Variants in RYR2 observed in about 807,000 individuals in gnomAD.
The protein encoded by RYR2 is ryanodine receptor 2, also known as cardiac muscle ryanodine receptor-calcium release channel.
Under a neutral mutation model 601.1 loss-of-function variants are expected in RYR2, and 227 were observed. The ratio of observed to expected loss-of-function variants is 0.38; its 90% CI spans 0.34 to 0.42. The LOEUF is 0.42. Ranked by LOEUF, RYR2 falls within the 10% of genes least tolerant of loss-of-function variation. RYR2 has a pLI of 1.00. For missense variants in RYR2, 4,646 were observed against 6,156.5 expected (o/e 0.75, Z 8.21); for synonymous variants, 2,223 against 2,175.1 (o/e 1.02, Z -0.61).
At chr1:237,380,965 C>T (rs1375753167) in intron 8 of RYR2, among the ~76,000 whole-genome samples, 1 of 152,122 alleles carries the variant, frequency 6.6e-6, no homozygotes, top group African/African-American at 2.4e-5. Flanking sequence ...GTAATCCCAG[C>T]TACTTGGGAG....
At chr1:237,254,240 G>A (rs1687738497) in intron 1 of RYR2, among the ~76,000 whole-genome samples, 1 of 152,024 alleles carries the variant, frequency 6.6e-6, no homozygotes, top group East Asian at 1.9e-4. Flanking sequence ...TTTGCCCTGT[G>A]TTTGTGCAAT....
chr1:237,732,571 A>G (rs771377501), intron 78 of RYR2, among the ~76,000 whole-genome samples: 2 of 152,194 alleles, frequency 1.3e-5, no homozygotes, highest in African/African-American at 2.4e-5. Flanking sequence ...TCTAGAGGCT[A>G]AGTGAGCCAT....
intron 48 of RYR2, among the ~76,000 whole-genome samples, chr1:237,647,582 T>C (rs1200719685): frequency 6.6e-6 from 1 of 152,250 alleles, no homozygotes; most frequent in African/African-American, 2.4e-5. Flanking sequence ...AGAAAAGTTG[T>C]CATTTTATTC....
intron 24 of RYR2, among the ~76,000 whole-genome samples, chr1:237,515,907 CCT>C (rs1666475045): frequency 3.4e-5 from 5 of 148,092 alleles, no homozygotes; most frequent in African/African-American, 5.0e-5. Flanking sequence ...TCTCCTTCTC[CCT>C]CTTCTCCCTC....
intron 12 of RYR2, among the ~76,000 whole-genome samples, chr1:237,433,787 A>G (rs551968592): frequency 2.0e-5 from 3 of 152,338 alleles, no homozygotes; most frequent in Admixed American, 6.5e-5. Flanking sequence ...ATGACGTAAC[A>G]TATATCTTAG....
chr1:237,044,779 A>G (rs1254917780), intron 1 of RYR2, among the ~76,000 whole-genome samples: 2 of 135,442 alleles, frequency 1.5e-5, no homozygotes, highest in African/African-American at 2.7e-5. Context: ...TCCCTCCCCC[A>G]CCCCCCTTTT....
rs147925584 is a variant in RYR2 at position 237,179,778 on chromosome 1, A to G, written c.49-90719A>G. The stretch of plus-strand genomic sequence containing the variant: ...CTGAGGGTAGCCTTTTAGAGAGGAG[A>G]TAACTTTCAGCAGATGATGCATCTG... On this transcript the variant is annotated intron_variant, in intron 1 of 104. Coordinates refer to ENST00000366574, the MANE Select transcript of RYR2 (RefSeq NM_001035.3). Among the ~76,000 whole-genome samples, 146 of 152,204 alleles carry G rather than the reference A, an allele frequency of 9.6e-4. 3 individuals are homozygous for G. Among genetic ancestry groups the G allele is most frequent in the African/African-American group, 3.4e-3 (139 of 41,476 alleles).
chr1:237,167,622 A>C (rs1289668515), intron 1 of RYR2, among the ~76,000 whole-genome samples: 1 of 151,802 alleles, frequency 6.6e-6, no homozygotes, highest in East Asian at 1.9e-4. Flanking sequence ...ATTTTTTTGG[A>C]AGTTGATATT....
chr1:237,192,473 C>T (rs1369065841), intron 1 of RYR2, among the ~76,000 whole-genome samples: 1 of 152,224 alleles, frequency 6.6e-6, no homozygotes, highest in African/African-American at 2.4e-5. Context: ...CCTCGGCCTC[C>T]CGAAGTGCCG....
chr1:237,182,481 A>G (rs1441367410), intron 1 of RYR2, among the ~76,000 whole-genome samples: 2 of 152,080 alleles, frequency 1.3e-5, no homozygotes. Context: ...AATTGTCACC[A>G]TCTTACTCTT....
chr1:237,492,961 A>G lies in RYR2; in HGVS notation c.1835A>G (p.Asp612Gly). 6.3e-7 allele frequency: 1 copy of G among 1,587,850 alleles called. No homozygotes were observed. The highest frequency in any genetic ancestry group is 8.6e-7 in the Non-Finnish European group (1 of 1,164,664). ...DKHGRNHKVL[D>G]VLCSLCVCHG... ...AGTAATTTCTCTTTTCAGGTTCTGGATGTCTTGTGCTCACTCTGTGTTTGC... is the reference window on the plus strand; with the variant it reads ...AGTAATTTCTCTTTTCAGGTTCTGGGTGTCTTGTGCTCACTCTGTGTTTGC... Residue 612 changes from aspartate (D) to glycine (G), a missense_variant, in exon 19 of 105, where the codon GAT becomes GGT. Transcript: ENST00000366574.
At position 237,535,484 on chromosome 1, in the gene RYR2, T is replaced by TACACATACACACACAC. The variant is rs1553488498; in HGVS notation, c.2906+4979_2906+4980insTACACACACACACACA. On this transcript the variant is annotated intron_variant, in intron 25 of 104. Transcript: ENST00000366574. The stretch of plus-strand genomic sequence containing the variant: ...TTAAAGGAATTGAATCAAACACACA[T>TACACATACACACACAC]ACACACACACACACACACACACACA... 1.8e-3 allele frequency among the ~76,000 whole-genome samples: 261 copies of TACACATACACACACAC among 144,712 alleles called. 1 individual carries two copies. The highest frequency in any genetic ancestry group is 0.011 in the Middle Eastern group (3 of 276). 94.9% of individuals were successfully genotyped at this position (144,712 alleles called of 152,430 possible).
chr1:237,828,378 C>T lies in RYR2; in HGVS notation c.14591-3C>T. On this transcript the variant is annotated splice_region_variant and splice_polypyrimidine_tract_variant and intron_variant, in intron 101 of 104. Transcript: ENST00000366574. ...ATTAAATTGTGTTTTTATTTAACAC[C>T]AGGTCTAATTATTGATGCTTTTGGA... is the stretch of plus-strand genomic sequence containing the variant. 1 of 1,544,796 alleles carries T rather than the reference C, an allele frequency of 6.5e-7. No homozygotes were observed. The highest frequency in any genetic ancestry group is 8.8e-7 in the Non-Finnish European group (1 of 1,137,542).
At chr1:237,530,572 C>T in intron 25 of RYR2, 62 bp downstream of exon 25, 1 of 1,209,628 alleles carries the variant, frequency 8.3e-7, no homozygotes, top group South Asian at 1.3e-5. Flanking sequence ...AACCAAATAA[C>T]TCTTGATGGA....
intron 27 of RYR2, among the ~76,000 whole-genome samples, chr1:237,565,484 A>G (rs571361662): frequency 1.3e-5 from 2 of 151,986 alleles, no homozygotes; most frequent in East Asian, 3.9e-4. Context: ...CCCGGGCGCG[A>G]TCCTCCCGCC....
At chr1:237,669,626 A>T (rs1312786031) in intron 58 of RYR2, among the ~76,000 whole-genome samples, 2 of 151,590 alleles carry the variant, frequency 1.3e-5, no homozygotes, top group African/African-American at 4.9e-5. Flanking sequence ...GCGGCCGGGC[A>T]GAGACGCTCC....
intron 1 of RYR2, among the ~76,000 whole-genome samples, chr1:237,198,333 C>T (rs147582058): frequency 2.6e-5 from 4 of 152,032 alleles, no homozygotes; most frequent in African/African-American, 4.8e-5. Flanking sequence ...CTGAACTATG[C>T]GTCATTTTCA....
At chr1:237,143,401 T>C (rs1202132161) in intron 1 of RYR2, among the ~76,000 whole-genome samples, 1 of 152,154 alleles carries the variant, frequency 6.6e-6, no homozygotes, top group Non-Finnish European at 1.5e-5. Flanking sequence ...AGCTTTGTCT[T>C]TCCAATGTAG....
At chr1:237,306,057 T>C (rs776605338) in intron 2 of RYR2, among the ~76,000 whole-genome samples, 1 of 152,156 alleles carries the variant, frequency 6.6e-6, no homozygotes. Flanking sequence ...TTAACTACAA[T>C]TTTACTAATG....
Sources: gnomAD v4.1 joint callset for allele counts (sites outside exome capture counted in the v4.1 genomes callset) on GRCh38, gnomAD v4.1.1 for gene constraint, MANE v1.5 for transcripts, NCBI Gene and HGNC (gene_info 2026-07-23, HGNC 2026-07-21) for gene names.